The following NLGN1 variants were observed in gnomAD, a reference collection of about 807,000 sequenced individuals.
NLGN1 encodes neuroligin 1, also known as neuroligin-1.
NLGN1 carries 12 observed loss-of-function variants against 65.5 expected under a neutral mutation model. The ratio of observed to expected loss-of-function variants is 0.18; its 90% CI spans 0.12 to 0.30. The LOEUF is 0.30. Ranked by LOEUF, NLGN1 falls within the 10% of genes least tolerant of loss-of-function variation. The probability of loss-of-function intolerance (pLI) is 1.00; values close to 1 mark genes in which losing one functional copy is unlikely to be tolerated. For missense variants in NLGN1, 750 were observed against 1,007.1 expected, an observed-to-expected ratio of 0.74 and a Z score of 3.46; for synonymous variants, 350 against 359.5, an observed-to-expected ratio of 0.97 and a Z score of 0.30.
intron 4 of NLGN1, among the ~76,000 whole-genome samples, chr3:173,960,075 A>G (rs1713162835): frequency 1.3e-5 from 2 of 152,096 alleles, no homozygotes; most frequent in South Asian, 4.1e-4. Flanking sequence ...CATTCTTAAT[A>G]TAGTGCTCTT....
chr3:173,919,049 TCTCA>T (rs1741392488), intron 4 of NLGN1, among the ~76,000 whole-genome samples: 1 of 152,182 alleles, frequency 6.6e-6, no homozygotes, highest in Non-Finnish European at 1.5e-5. Flanking sequence ...TTATCCTGAT[TCTCA>T]CTCTCCTACC....
At chr3:173,540,913 C>T (rs907101492) in intron 2 of NLGN1, among the ~76,000 whole-genome samples, 3 of 152,138 alleles carry the variant, frequency 2.0e-5, no homozygotes, top group Admixed American at 1.3e-4. Flanking sequence ...CACCATCAAC[C>T]TTTTCTCTGC....
chr3:174,211,154 G>T (rs1180265261), intron 4 of NLGN1, among the ~76,000 whole-genome samples: 1 of 152,220 alleles, frequency 6.6e-6, no homozygotes, highest in Non-Finnish European at 1.5e-5. Flanking sequence ...TGAACCCAAA[G>T]AGTGAGAAGT....
chr3:174,065,456 C>T (rs1383345933), intron 4 of NLGN1, among the ~76,000 whole-genome samples: 1 of 151,932 alleles, frequency 6.6e-6, no homozygotes. Flanking sequence ...CATAACCAAA[C>T]CTTGACTTCT....
intron 4 of NLGN1, among the ~76,000 whole-genome samples, chr3:173,812,340 A>G (rs114297583): frequency 0.016 from 2,451 of 152,266 alleles, 58 homozygotes; most frequent in African/African-American, 0.055. Context: ...TTTTTATTCT[A>G]TTAGATATGG....
chr3:173,720,929 A>G (rs551020869), intron 3 of NLGN1, among the ~76,000 whole-genome samples: 15 of 152,326 alleles, frequency 9.8e-5, no homozygotes, highest in Middle Eastern at 6.8e-3. Flanking sequence ...AGTAAAGAGT[A>G]TGGAGAGGAA....
chr3:173,473,406 C>T (rs1222249209), intron 2 of NLGN1, among the ~76,000 whole-genome samples: 1 of 152,102 alleles, frequency 6.6e-6, no homozygotes, highest in Admixed American at 6.6e-5. Context: ...AGATTAATCC[C>T]CCACTGTGGG....
At chr3:173,756,116 T>C (rs1228908900) in intron 3 of NLGN1, among the ~76,000 whole-genome samples, 1 of 140,986 alleles carries the variant, frequency 7.1e-6, no homozygotes, top group Non-Finnish European at 1.6e-5. Flanking sequence ...GATATCTACA[T>C]TAATGTTTTG....
chr3:173,451,389 G>T lies in NLGN1; in HGVS notation c.-321+16311G>T, dbSNP rs182685481. Among the ~76,000 whole-genome samples, 75 of 152,266 alleles carry T rather than the reference G, an allele frequency of 4.9e-4. 1 individual carries two copies. Among genetic ancestry groups the T allele is most frequent in the Admixed American group, 4.8e-3 (73 of 15,294 alleles). On this transcript the variant is annotated intron_variant, in intron 2 of 6. Transcript: ENST00000457714. ...GCAGAACAGTGGATATTGGTGAACC[G>T]CAAATGCTGCTGCCTGATCGTTCCT...
intron 2 of NLGN1, among the ~76,000 whole-genome samples, chr3:173,576,282 A>T (rs1013095680): frequency 6.6e-6 from 1 of 152,274 alleles, no homozygotes; most frequent in Admixed American, 6.5e-5. Flanking sequence ...GATTATTTCC[A>T]TAATATTTTT....
rs114710179 is a variant in NLGN1 at position 174,150,334 on chromosome 3, G to T, written c.647-124981G>T. Reference sequence around the variant, plus strand: ...TGTTACAAAACCACAAATATTTCTAGTGCAGGGTTTCTCAACTTCAGCATT... The same window carrying T: ...TGTTACAAAACCACAAATATTTCTATTGCAGGGTTTCTCAACTTCAGCATT... On this transcript the variant is annotated intron_variant, in intron 4 of 6. Coordinates refer to ENST00000457714, the Ensembl canonical transcript of NLGN1. Among the ~76,000 whole-genome samples the T allele has an allele frequency of 3.1e-3, 476 of 152,200 alleles. 1 individual carries two copies. The highest frequency in any genetic ancestry group is 0.011 in the African/African-American group (456 of 41,548).
chr3:173,860,399 T>G (rs958135838), intron 4 of NLGN1, among the ~76,000 whole-genome samples: 2 of 152,160 alleles, frequency 1.3e-5, no homozygotes, highest in Admixed American at 1.3e-4. Flanking sequence ...TTACTGATTT[T>G]TTTTCTAATT....
intron 3 of NLGN1, among the ~76,000 whole-genome samples, chr3:173,652,501 A>G (rs1361122789): frequency 6.6e-6 from 1 of 152,118 alleles, no homozygotes; most frequent in African/African-American, 2.4e-5. Flanking sequence ...TCCCAGCACC[A>G]TTTGAAAAGG....
chr3:173,925,666 G>C (rs557618349), intron 4 of NLGN1, among the ~76,000 whole-genome samples: 34 of 152,196 alleles, frequency 2.2e-4, no homozygotes, highest in Non-Finnish European at 4.6e-4. Context: ...CCTGTCTGCA[G>C]AGTAGGGGAA....
intron 4 of NLGN1, among the ~76,000 whole-genome samples, chr3:174,018,575 C>T (rs1727098712): frequency 6.6e-6 from 1 of 152,162 alleles, no homozygotes; most frequent in South Asian, 2.1e-4. Flanking sequence ...TCCCTGACTT[C>T]CTGCAACAGG....
intron 4 of NLGN1, among the ~76,000 whole-genome samples, chr3:173,904,499 A>T (rs995304064): frequency 2.6e-5 from 4 of 151,714 alleles, no homozygotes; most frequent in African/African-American, 9.7e-5. Flanking sequence ...CTTATATGTG[A>T]AGATAAAGGG....
chr3:174,017,124 T>C (rs1726730777), intron 4 of NLGN1, among the ~76,000 whole-genome samples: 1 of 152,146 alleles, frequency 6.6e-6, no homozygotes, highest in African/African-American at 2.4e-5. Context: ...GCTAGAGGCC[T>C]TGCAAACCAT....
chr3:174,191,942 G>C (rs1732463694), intron 4 of NLGN1, among the ~76,000 whole-genome samples: 1 of 152,072 alleles, frequency 6.6e-6, no homozygotes, highest in Non-Finnish European at 1.5e-5. Flanking sequence ...AGGTCAGCTA[G>C]AACTTCTAGT....
chr3:174,090,868 G>A (rs375402217), intron 4 of NLGN1, among the ~76,000 whole-genome samples: 45 of 152,174 alleles, frequency 3.0e-4, no homozygotes, highest in Non-Finnish European at 5.1e-4. Flanking sequence ...AAATGCTGGC[G>A]TCAGGCTTCA....
Sources: gnomAD v4.1 joint callset for allele counts (sites outside exome capture counted in the v4.1 genomes callset) on GRCh38, gnomAD v4.1.1 for gene constraint, MANE v1.5 for transcripts, NCBI Gene and HGNC (gene_info 2026-07-23, HGNC 2026-07-21) for gene names.